MAP3K20: variants seen among roughly 807,000 people sequenced by gnomAD.
MAP3K20 encodes the protein HCCS-4.
MAP3K20 carries 40 observed loss-of-function variants against 85.7 expected under a neutral mutation model. The observed-to-expected ratio is 0.47, with a 90% CI of 0.36 to 0.61. MAP3K20 has a LOEUF of 0.61. Ranked by LOEUF, MAP3K20 falls within the 20% of genes least tolerant of loss-of-function variation. The pLI is 0.00. For synonymous variants in MAP3K20, 325 were observed against 327.7 expected (o/e 0.99, Z 0.09); for missense variants, 817 against 961.7 (o/e 0.85, Z 1.99).
At chr2:173,148,814 A>G (rs1689212020) in intron 2 of MAP3K20, among the ~76,000 whole-genome samples, 1 of 152,206 alleles carries the variant, frequency 6.6e-6, no homozygotes, top group Non-Finnish European at 1.5e-5. Flanking sequence ...CTTTGACTGT[A>G]TAGCTCTGAG....
At chr2:173,147,042 AT>A (rs781090220) in intron 2 of MAP3K20, among the ~76,000 whole-genome samples, 3 of 152,098 alleles carry the variant, frequency 2.0e-5, no homozygotes, top group Non-Finnish European at 2.9e-5. Flanking sequence ...CCTATTTTTA[AT>A]TCAATTATTT....
intron 16 of MAP3K20, among the ~76,000 whole-genome samples, chr2:173,241,328 A>G (rs1456657371): frequency 6.6e-6 from 1 of 152,184 alleles, no homozygotes; most frequent in East Asian, 1.9e-4. Context: ...AAAGCATCAC[A>G]AAGACTGGGC....
intron 2 of MAP3K20, among the ~76,000 whole-genome samples, chr2:173,108,517 G>A (rs116173220): frequency 1.3e-5 from 2 of 152,124 alleles, no homozygotes; most frequent in Non-Finnish European, 2.9e-5. Flanking sequence ...TCTCACTTAG[G>A]AATCATTGTT....
At chr2:173,176,928 G>A (rs1690177555) in intron 3 of MAP3K20, among the ~76,000 whole-genome samples, 1 of 152,156 alleles carries the variant, frequency 6.6e-6, no homozygotes, top group Non-Finnish European at 1.5e-5. Context: ...ATACAGCAAA[G>A]ATAAGAAATA....
chr2:173,211,598 A>G (rs867720768), intron 10 of MAP3K20: 2 of 152,098 alleles, frequency 1.3e-5, no homozygotes, highest in Non-Finnish European at 2.9e-5. Context: ...CATCTCCTTC[A>G]TAGGCTTTGC....
intron 2 of MAP3K20, among the ~76,000 whole-genome samples, chr2:173,133,997 C>A (rs11893754): frequency 0.99 from 145,591 of 147,060 alleles, 72,083 homozygotes; most frequent in Middle Eastern, 1. Context: ...TCTCAAAAAA[C>A]AAAAAACAAA....
chr2:173,266,401 G>C lies in MAP3K20; in HGVS notation c.2054G>C (p.Ser685Thr). ...AGCAGGAACAAATATGGACGTGGTA[G>C]TATATCACTCAATTCTTCTCCTAGA... ...DRSRNKYGRG[S>T]ISLNSSPRGR... is the part of the protein sequence containing the mutation. Residue 685 changes from serine (S) to threonine (T), a missense_variant, in exon 20 of 20, where the codon AGT becomes ACT. Coordinates refer to ENST00000375213, the MANE Select transcript of MAP3K20 (RefSeq NM_016653.3). The C allele has an allele frequency of 6.2e-7, 1 of 1,614,164 alleles. No homozygotes were observed. Among genetic ancestry groups the C allele is most frequent in the Non-Finnish European group, 8.5e-7 (1 of 1,180,030 alleles).
At chr2:173,168,955 G>A (rs1689920552) in intron 2 of MAP3K20, among the ~76,000 whole-genome samples, 1 of 151,944 alleles carries the variant, frequency 6.6e-6, no homozygotes, top group Non-Finnish European at 1.5e-5. Context: ...TATTTAACAC[G>A]TTTCAAAATG....
chr2:173,225,212 T>G, intron 11 of MAP3K20: 2 of 911,334 alleles, frequency 2.2e-6, no homozygotes, highest in Non-Finnish European at 2.6e-6. Flanking sequence ...CATTTTTGGT[T>G]GTCACAGCAA....
At chr2:173,133,387 G>A (rs1038721804) in intron 2 of MAP3K20, among the ~76,000 whole-genome samples, 5 of 152,200 alleles carry the variant, frequency 3.3e-5, no homozygotes, top group African/African-American at 1.2e-4. Context: ...AGGACCCAGT[G>A]AAATGAGAGT....
intron 10 of MAP3K20, among the ~76,000 whole-genome samples, chr2:173,215,127 CAAGTGA>C (rs1176006202): frequency 6.6e-6 from 1 of 152,176 alleles, no homozygotes; most frequent in Non-Finnish European, 1.5e-5. Flanking sequence ...GCTTAAATTA[CAAGTGA>C]AATAGAATGT....
At position 173,191,500 on chromosome 2, in the gene MAP3K20, C is replaced by G. The variant is rs1051855664; in HGVS notation, c.582+323C>G. Among the ~76,000 whole-genome samples the G allele has an allele frequency of 2.0e-5, 3 of 152,142 alleles. No homozygotes were observed. The East Asian group carries it at 5.8e-4, about 29-fold the overall frequency. On this transcript the variant is annotated intron_variant, in intron 7 of 19. Coordinates refer to ENST00000375213, the MANE Select transcript of MAP3K20 (RefSeq NM_016653.3). ...GGGTGGTAATGTGACTGTGGACTCTCTCTGTAATTTCAATGGAAATGTGGA... is the reference window on the plus strand; with the variant it reads ...GGGTGGTAATGTGACTGTGGACTCTGTCTGTAATTTCAATGGAAATGTGGA...
intron 7 of MAP3K20, among the ~76,000 whole-genome samples, 184 bp downstream of exon 7, chr2:173,191,361 C>G (rs760921385): frequency 6.6e-6 from 1 of 152,172 alleles, no homozygotes; most frequent in Non-Finnish European, 1.5e-5. Flanking sequence ...TTTTAATCAT[C>G]GGAGTTATTT....
chr2:173,083,561 G>A (rs546958543), intron 1 of MAP3K20, among the ~76,000 whole-genome samples: 2 of 152,086 alleles, frequency 1.3e-5, no homozygotes, highest in South Asian at 4.2e-4. Context: ...TAGTAGAACA[G>A]CAGTCCTGTT....
At chr2:173,221,711 C>T (rs575887864) in intron 11 of MAP3K20, 48 of 1,307,218 alleles carry the variant, frequency 3.7e-5, no homozygotes, top group South Asian at 3.0e-4. Context: ...TACAGAAAAA[C>T]GGGGGGAGAA....
At chr2:173,137,046 G>C (rs1243405457) in intron 2 of MAP3K20, among the ~76,000 whole-genome samples, 1 of 152,198 alleles carries the variant, frequency 6.6e-6, no homozygotes, top group East Asian at 1.9e-4. Flanking sequence ...ATTTTTGGAA[G>C]ATTGGTCTTC....
chr2:173,205,226 T>C (rs768054395), intron 9 of MAP3K20, among the ~76,000 whole-genome samples: 2 of 144,978 alleles, frequency 1.4e-5, no homozygotes, highest in Non-Finnish European at 3.0e-5. Flanking sequence ...ATTTGTCCAG[T>C]TTTTTGTGGA....
At chr2:173,216,369 G>A (rs186435774) in intron 10 of MAP3K20, among the ~76,000 whole-genome samples, 93 of 152,072 alleles carry the variant, frequency 6.1e-4, no homozygotes, top group African/African-American at 2.2e-3. Context: ...TCTGGCCCAG[G>A]GTTTTCTACA....
intron 9 of MAP3K20, among the ~76,000 whole-genome samples, chr2:173,204,610 A>T (rs1211630368): frequency 1.3e-5 from 2 of 152,214 alleles, no homozygotes; most frequent in African/African-American, 2.4e-5. Context: ...AGACTCTCGC[A>T]TACATATGGA....
Sources: gnomAD v4.1 joint callset for allele counts (sites outside exome capture counted in the v4.1 genomes callset) on GRCh38, gnomAD v4.1.1 for gene constraint, MANE v1.5 for transcripts, NCBI Gene and HGNC (gene_info 2026-07-23, HGNC 2026-07-21) for gene names.